CSMD3: variants seen among roughly 807,000 people sequenced by gnomAD.
CSMD3 encodes CUB and sushi domain-containing protein 3.
Under a neutral mutation model 435.2 loss-of-function variants are expected in CSMD3, and 177 were observed. The observed-to-expected ratio is 0.41, with a 90% confidence interval of 0.36 to 0.46. The LOEUF (loss-of-function observed/expected upper bound fraction) is 0.46. Ranked by LOEUF, CSMD3 falls within the 20% of genes least tolerant of loss-of-function variation. The probability of loss-of-function intolerance (pLI) is 0.34; values close to 1 mark genes in which losing one functional copy is unlikely to be tolerated. For missense variants in CSMD3, 4,265 were observed against 4,504.6 expected (o/e 0.95, Z 1.52); for synonymous variants, 1,656 against 1,520.5 (o/e 1.09, Z -2.07).
intron 1 of CSMD3, among the ~76,000 whole-genome samples, chr8:113,322,711 T>C (rs530179174): frequency 6.6e-6 from 1 of 152,318 alleles, no homozygotes; most frequent in Admixed American, 6.5e-5. Context: ...ATTTTCAATG[T>C]TATGAAAATA....
chr8:113,125,904 G>A (rs752715184), intron 4 of CSMD3, among the ~76,000 whole-genome samples: 2 of 151,886 alleles, frequency 1.3e-5, no homozygotes, highest in African/African-American at 4.8e-5. Flanking sequence ...TGGGAGTGGA[G>A]TGAGATAGAT....
At chr8:112,920,377 TGAA>T (rs1422664863) in intron 10 of CSMD3, among the ~76,000 whole-genome samples, 1 of 151,806 alleles carries the variant, frequency 6.6e-6, no homozygotes, top group African/African-American at 2.4e-5. Context: ...AGTCAGAAGG[TGAA>T]GAAGGAGTAT....
At chr8:112,752,898 C>A (rs531337745) in intron 13 of CSMD3, among the ~76,000 whole-genome samples, 1 of 96,090 alleles carries the variant, frequency 1.0e-5, no homozygotes, top group African/African-American at 4.8e-5. Flanking sequence ...TATTTGTTAC[C>A]GCGTGTGTGT....
chr8:113,395,267 T>A (rs1016158163), intron 1 of CSMD3, among the ~76,000 whole-genome samples: 6 of 152,180 alleles, frequency 3.9e-5, no homozygotes, highest in African/African-American at 1.2e-4. Flanking sequence ...ATAGTGATGC[T>A]TAGGCTATCA....
chr8:112,743,878 G>T (rs1313912143), intron 13 of CSMD3, among the ~76,000 whole-genome samples: 1 of 151,826 alleles, frequency 6.6e-6, no homozygotes, highest in Non-Finnish European at 1.5e-5. Flanking sequence ...CTGGTGCCAG[G>T]ATATTTCATT....
At chr8:113,317,901 T>C (rs1588505229) in intron 1 of CSMD3, among the ~76,000 whole-genome samples, 1 of 152,308 alleles carries the variant, frequency 6.6e-6, no homozygotes. Context: ...TGTAGACTTC[T>C]ACTACATTCT....
chr8:112,313,792 A>G (rs1230128679), intron 49 of CSMD3, 114 bp downstream of exon 49: 2 of 806,192 alleles, frequency 2.5e-6, no homozygotes, highest in African/African-American at 1.7e-5. Context: ...GGAACCATCA[A>G]TGGAGGAGCT....
intron 59 of CSMD3, among the ~76,000 whole-genome samples, chr8:112,280,216 C>T (rs867106042): frequency 5.3e-5 from 8 of 152,158 alleles, no homozygotes; most frequent in South Asian, 4.1e-4. Context: ...GTCTCCTTTG[C>T]TACAGAGGCT....
In CSMD3 at chr8:113,294,512, G is replaced by C. The variant is rs75216652; in HGVS notation, c.402-15808C>G. Among the ~76,000 whole-genome samples the C allele has an allele frequency of 1.2e-4, 18 of 152,210 alleles. No homozygotes were observed. The South Asian group carries it at 3.7e-3, about 32-fold the overall frequency. ...GAAATTAGGCCACTTTCTTTTTGCT[G>C]TTCTGCGAGGACTCTCAATTAGTTT... On this transcript the variant is annotated intron_variant, in intron 2 of 70. Coordinates refer to ENST00000297405, the MANE Select transcript of CSMD3 (RefSeq NM_198123.2).
At chr8:113,047,333 C>T (rs1010736698) in intron 5 of CSMD3, among the ~76,000 whole-genome samples, 3 of 152,288 alleles carry the variant, frequency 2.0e-5, no homozygotes, top group Non-Finnish European at 2.9e-5. Flanking sequence ...AAATATAGAA[C>T]GGTTCTGGCA....
At chr8:112,607,397 T>G (rs1455246422) in intron 22 of CSMD3, among the ~76,000 whole-genome samples, 1 of 152,096 alleles carries the variant, frequency 6.6e-6, no homozygotes, top group Non-Finnish European at 1.5e-5. Flanking sequence ...TAGAATTTTA[T>G]TTAACATTTA....
chr8:112,867,601 T>C (rs1025846555), intron 10 of CSMD3, among the ~76,000 whole-genome samples: 5 of 152,132 alleles, frequency 3.3e-5, no homozygotes, highest in African/African-American at 9.7e-5. Context: ...CTTTTCAGCA[T>C]GTTACTCTAC....
At chr8:112,404,279 C>T (rs145385772) in intron 35 of CSMD3, among the ~76,000 whole-genome samples, 1,823 of 152,176 alleles carry the variant, frequency 0.012, 37 homozygotes, top group South Asian at 0.069. Context: ...CCTATAATCC[C>T]AGCACTTTGG....
intron 1 of CSMD3, among the ~76,000 whole-genome samples, chr8:113,316,363 A>G (rs765654644): frequency 1.1e-4 from 17 of 152,196 alleles, no homozygotes; most frequent in Non-Finnish European, 2.2e-4. Context: ...AGAAATGAAT[A>G]TATTTTATGT....
intron 2 of CSMD3, among the ~76,000 whole-genome samples, chr8:113,302,487 G>T (rs1418509219): frequency 6.6e-6 from 1 of 150,716 alleles, no homozygotes; most frequent in Non-Finnish European, 1.5e-5. Context: ...ACAACTAAAT[G>T]AATTTGAAGA....
chr8:112,819,529 C>A (rs2079471055), intron 12 of CSMD3, among the ~76,000 whole-genome samples: 1 of 152,168 alleles, frequency 6.6e-6, no homozygotes, highest in Non-Finnish European at 1.5e-5. Flanking sequence ...TCTGTAAAAT[C>A]TTTTAGCCAG....
intron 10 of CSMD3, among the ~76,000 whole-genome samples, chr8:112,877,550 G>A (rs1237445229): frequency 1.3e-5 from 2 of 152,078 alleles, no homozygotes; most frequent in African/African-American, 4.8e-5. Context: ...TTACAGGCAT[G>A]AGCCACCATG....
intron 61 of CSMD3, among the ~76,000 whole-genome samples, chr8:112,261,921 CAT>C (rs1166053526): frequency 2.6e-5 from 4 of 151,542 alleles, no homozygotes; most frequent in African/African-American, 9.7e-5. Context: ...AAAAAAAATA[CAT>C]ATATATATTC....
In CSMD3 at chr8:112,658,454, T is replaced by G. The variant is rs149831574; in HGVS notation, c.2817-2113A>C. 2.3e-4 allele frequency among the ~76,000 whole-genome samples: 35 copies of G among 152,296 alleles called. No individual in the cohort carries two copies. The East Asian group carries it at 6.6e-3, about 29-fold the overall frequency. ...ATAGCATATGACACGTTAGTCAAAA[T>G]TAAGTATATAATTTAATACTGTTCA... is the stretch of plus-strand genomic sequence containing the variant. On this transcript the variant is annotated intron_variant, in intron 17 of 70. Transcript: ENST00000297405.
Sources: gnomAD v4.1 joint callset for allele counts (sites outside exome capture counted in the v4.1 genomes callset) on GRCh38, gnomAD v4.1.1 for gene constraint, MANE v1.5 for transcripts, NCBI Gene and HGNC (gene_info 2026-07-23, HGNC 2026-07-21) for gene names.